NSRP1: variants seen among roughly 807,000 people sequenced by gnomAD.
The protein encoded by NSRP1 is nuclear speckle splicing regulatory protein 1, also known as coiled-coil domain containing 55.
In NSRP1, 24 loss-of-function variants were observed where a neutral mutation model predicts 54.7. That is an observed-to-expected ratio of 0.44 (90% confidence interval 0.32 to 0.62). The LOEUF is 0.62. Ranked by LOEUF, NSRP1 falls within the 20% of genes least tolerant of loss-of-function variation. NSRP1 has a pLI of 0.06. For missense variants in NSRP1, 596 were observed against 651.2 expected, an observed-to-expected ratio of 0.92 and a Z score of 0.92; for synonymous variants, 210 against 213.8, an observed-to-expected ratio of 0.98 and a Z score of 0.15.
intron 2 of NSRP1, among the ~76,000 whole-genome samples, chr17:30,151,861 C>T (rs973033501): frequency 1.3e-4 from 20 of 149,660 alleles, no homozygotes; most frequent in African/African-American, 5.0e-4. Flanking sequence ...CAGCTCACCG[C>T]ATCCTCCGCC....
Position 30,146,696 on chromosome 17 carries a change from C to T in NSRP1, c.115-25846C>T, listed in dbSNP as rs186442324. ...TGTCCCCCAGGCTGGAGTACAGTGG[C>T]GCAATCTTGGCTCACTGCCACCTCT... On this transcript the variant is annotated intron_variant, in intron 2 of 6. Coordinates refer to ENST00000247026, the MANE Select transcript of NSRP1 (RefSeq NM_032141.4). 2.1e-3 allele frequency among the ~76,000 whole-genome samples: 313 copies of T among 152,290 alleles called. 3 individuals carry two copies. Among genetic ancestry groups the T allele is most frequent in the Admixed American group, 2.9e-3 (45 of 15,294 alleles).
In NSRP1 at chr17:30,160,917, C is replaced by T. The variant is rs538852194; in HGVS notation, c.115-11625C>T. Reference sequence around the variant, plus strand: ...CTGAGAGAAGCTAAAATTTCAGAAGCTGCTAAGGGGCTTTGTTAGGATTAG... The same window carrying T: ...CTGAGAGAAGCTAAAATTTCAGAAGTTGCTAAGGGGCTTTGTTAGGATTAG... On this transcript the variant is annotated intron_variant, in intron 2 of 6. Transcript: ENST00000247026. Among the ~76,000 whole-genome samples the T allele has an allele frequency of 9.9e-4, 151 of 152,288 alleles. 5 individuals are homozygous for T. In the South Asian group the frequency reaches 0.03, roughly 31 times the overall value.
intron 2 of NSRP1, among the ~76,000 whole-genome samples, chr17:30,170,366 T>C (rs1286680404): frequency 2.0e-5 from 3 of 152,208 alleles, no homozygotes; most frequent in Non-Finnish European, 4.4e-5. Flanking sequence ...ATACCATATA[T>C]AGTACAATTT....
chr17:30,117,504 G>A (rs952225335), intron 1 of NSRP1: 1 of 413,954 alleles, frequency 2.4e-6, no homozygotes, highest in Non-Finnish European at 4.3e-6. Context: ...TGATGGGATG[G>A]TTCTCTCAGA....
intron 2 of NSRP1, among the ~76,000 whole-genome samples, chr17:30,123,346 G>A (rs1314547564): frequency 6.6e-6 from 1 of 152,050 alleles, no homozygotes; most frequent in Non-Finnish European, 1.5e-5. Context: ...TCGAACTCCT[G>A]ACCTTGTGAT....
intron 2 of NSRP1, among the ~76,000 whole-genome samples, chr17:30,148,113 C>G (rs1318764166): frequency 1.3e-5 from 2 of 152,160 alleles, no homozygotes; most frequent in East Asian, 1.9e-4. Context: ...CTGTGCCTAG[C>G]CTGACAATTT....
intron 6 of NSRP1, among the ~76,000 whole-genome samples, chr17:30,182,048 CT>C (rs10549815): frequency 0.33 from 32,712 of 97,964 alleles, 5,293 homozygotes; most frequent in Non-Finnish European, 0.39. Context: ...CACCTGGCTG[CT>C]TTTTTTTTTT....
At chr17:30,130,297 C>G (rs1437869902) in intron 2 of NSRP1, among the ~76,000 whole-genome samples, 1 of 152,040 alleles carries the variant, frequency 6.6e-6, no homozygotes, top group African/African-American at 2.4e-5. Flanking sequence ...CAGAGTCTCA[C>G]TATGTTGCCC....
chr17:30,133,737 G>A (rs539013937), intron 2 of NSRP1, among the ~76,000 whole-genome samples: 96 of 152,274 alleles, frequency 6.3e-4, no homozygotes, highest in Non-Finnish European at 8.7e-4. Context: ...TCCCTGTTAG[G>A]TTTTCTGGAT....
rs537718508 is a variant in NSRP1, at chr17:30,150,269, T to TG, written c.115-22269dup. ...CTAATTTTTGTATTTTTAGTAGAGA[T>TG]GGGGTTTCACCATGTTGGTCAGGCT... On this transcript the variant is annotated intron_variant, in intron 2 of 6. Coordinates refer to ENST00000247026, the MANE Select transcript of NSRP1 (RefSeq NM_032141.4). The TG allele has an allele frequency of 1.6e-4, 24 of 151,978 alleles. No individual in the cohort carries two copies. In the East Asian group the frequency reaches 4.1e-3, roughly 26 times the overall value. 9.4% of individuals were successfully genotyped at this position (151,978 alleles called of 1,614,324 possible).
intron 2 of NSRP1, among the ~76,000 whole-genome samples, chr17:30,137,225 A>G (rs912907693): frequency 6.6e-6 from 1 of 152,204 alleles, no homozygotes; most frequent in African/African-American, 2.4e-5. Context: ...TCCGTATTGT[A>G]GATTTGTCAT....
At chr17:30,129,485 A>G (rs1431121748) in intron 2 of NSRP1, among the ~76,000 whole-genome samples, 2 of 151,974 alleles carry the variant, frequency 1.3e-5, no homozygotes, top group African/African-American at 2.4e-5. Context: ...ACAGGATTAC[A>G]TAAGTGTATA....
chr17:30,184,665 C>T lies in NSRP1; in HGVS notation c.668C>T (p.Ser223Leu). The T allele has an allele frequency of 1.3e-6, 2 of 1,598,386 alleles. No homozygotes were observed. The highest frequency in any genetic ancestry group is 1.7e-6 in the Non-Finnish European group (2 of 1,173,158). Reference sequence around the variant, plus strand: ...AGGGGCTTCTCCAATGAAGTAAGTTCAAAAAACAGAATACCACAAGAGAAA... The same window carrying T: ...AGGGGCTTCTCCAATGAAGTAAGTTTAAAAAACAGAATACCACAAGAGAAA... ...KSRGFSNEVSSKNRIPQEKCI... is the reference protein window; with the variant it reads ...KSRGFSNEVSLKNRIPQEKCI... Residue 223 changes from serine to leucine, a missense_variant, in exon 7 of 7, where the codon TCA (serine) becomes TTA (leucine). Transcript: ENST00000247026.
intron 6 of NSRP1, among the ~76,000 whole-genome samples, chr17:30,182,285 G>A (rs1379695850): frequency 6.6e-6 from 1 of 151,952 alleles, no homozygotes; most frequent in African/African-American, 2.4e-5. Context: ...CTTACATATC[G>A]GGGCTAGAAC....
rs1311441116 is a variant in NSRP1, at chr17:30,185,016, A to G, written c.1019A>G (p.Glu340Gly). 6.2e-7 allele frequency: 1 copy of G among 1,614,172 alleles called. No homozygotes were observed. The highest frequency in any genetic ancestry group is 8.5e-7 in the Non-Finnish European group (1 of 1,180,034). The change falls in exon 7 of 7, where the codon GAA becomes GGA. Residue 340 changes from glutamate to glycine, a missense_variant. By Grantham distance (98) the Glu-to-Gly change is moderately conservative. Coordinates refer to ENST00000247026, the MANE Select transcript of NSRP1 (RefSeq NM_032141.4). The stretch of plus-strand genomic sequence containing the variant: ...TACACTGACCGTGATTACCGGAAAG[A>G]AAGGGATTCTCATAGGCACAGAGAG... ...NHYTDRDYRK[E>G]RDSHRHREAS... is the part of the protein sequence containing the mutation.
intron 2 of NSRP1, among the ~76,000 whole-genome samples, chr17:30,166,850 C>T (rs901367598): frequency 4.6e-5 from 7 of 152,068 alleles, no homozygotes; most frequent in African/African-American, 1.4e-4. Context: ...CGCTTGAACC[C>T]GGGAGGCAGA....
intron 6 of NSRP1, among the ~76,000 whole-genome samples, chr17:30,182,567 G>A (rs930124622): frequency 2.6e-5 from 4 of 151,942 alleles, no homozygotes; most frequent in Non-Finnish European, 5.9e-5. Context: ...GCTTAAACTC[G>A]GGAGGCGGAG....
chr17:30,117,777 T>A (rs988856007), intron 1 of NSRP1, among the ~76,000 whole-genome samples: 18 of 150,720 alleles, frequency 1.2e-4, no homozygotes, highest in East Asian at 1.2e-3. Context: ...TTTTTTTTTT[T>A]AAATGTTACT....
chr17:30,161,304 A>G (rs1806027960), intron 2 of NSRP1, among the ~76,000 whole-genome samples: 1 of 152,080 alleles, frequency 6.6e-6, no homozygotes, highest in Non-Finnish European at 1.5e-5. Context: ...TTTTCTAATT[A>G]TTGTAAATGT....
Sources: gnomAD v4.1 joint callset for allele counts (sites outside exome capture counted in the v4.1 genomes callset) on GRCh38, gnomAD v4.1.1 for gene constraint, MANE v1.5 for transcripts, NCBI Gene and HGNC (gene_info 2026-07-23, HGNC 2026-07-21) for gene names.